ST6GAL2: variants seen among roughly 807,000 people sequenced by gnomAD.
ST6GAL2 encodes the protein beta-galactoside alpha-2,6-sialyltransferase 2.
ST6GAL2 carries 24 observed loss-of-function variants against 37.5 expected under a neutral mutation model. The ratio of observed to expected loss-of-function variants is 0.64; its 90% CI spans 0.46 to 0.90. ST6GAL2 has a LOEUF of 0.90. Among genes scored for constraint, ST6GAL2 ranks in the 40% least tolerant of loss-of-function variants. ST6GAL2 has a pLI of 0.00. For missense variants in ST6GAL2, 715 were observed against 712.7 expected, an observed-to-expected ratio of 1.00 and a Z score of -0.04; for synonymous variants, 306 against 295.1, an observed-to-expected ratio of 1.04 and a Z score of -0.38.
chr2:106,861,432 T>C (rs1677791975), intron 1 of ST6GAL2, among the ~76,000 whole-genome samples: 1 of 152,156 alleles, frequency 6.6e-6, no homozygotes, highest in Admixed American at 6.5e-5. Context: ...TGTCTGTGTG[T>C]GTGGATTAGA....
At chr2:106,884,926 TATATATATAC>T (rs1171387935) in intron 1 of ST6GAL2, among the ~76,000 whole-genome samples, 7 of 123,030 alleles carry the variant, frequency 5.7e-5, no homozygotes, top group Middle Eastern at 3.9e-3. Flanking sequence ...TATATATATA[TATATATATAC>T]ATACACACAC....
intron 2 of ST6GAL2, among the ~76,000 whole-genome samples, chr2:106,837,363 G>T (rs1013086293): frequency 6.6e-6 from 1 of 152,124 alleles, no homozygotes; most frequent in African/African-American, 2.4e-5. Flanking sequence ...GTGCTAAGAA[G>T]CCCCTGTCTC....
At position 106,843,562 on chromosome 2, in the gene ST6GAL2, C is replaced by G. The variant is rs199962702; in HGVS notation, c.416G>C (p.Gly139Ala). The change falls in exon 2 of 6, where the codon GGG becomes GCG. Residue 139 changes from glycine (G) to alanine (A), a missense_variant. By Grantham distance (60) the Gly-to-Ala change is moderately conservative. Transcript: ENST00000409382. Reference sequence around the variant, plus strand: ...TGTCCCCTGAGTGTGGCTGTGCCACCCTGGCTGACCAGCAGCAAAAAAGTA... The same window carrying G: ...TGTCCCCTGAGTGTGGCTGTGCCACGCTGGCTGACCAGCAGCAAAAAAGTA... Reference protein sequence around the residue: ...DDYFFAAGQPGWHSHTQGTLG... With the variant: ...DDYFFAAGQPAWHSHTQGTLG... The G allele has an allele frequency of 1.2e-6, 2 of 1,613,998 alleles. No individual in the cohort carries two copies. Among genetic ancestry groups the G allele is most frequent in the Non-Finnish European group, 1.7e-6 (2 of 1,180,000 alleles).
chr2:106,810,222 T>C (rs919075065), intron 5 of ST6GAL2, among the ~76,000 whole-genome samples: 6 of 152,236 alleles, frequency 3.9e-5, no homozygotes, highest in African/African-American at 1.4e-4. Context: ...ATATAGATTT[T>C]GTCATAGACT....
chr2:106,832,895 C>T (rs1029056995), intron 3 of ST6GAL2, among the ~76,000 whole-genome samples: 2 of 152,000 alleles, frequency 1.3e-5, no homozygotes, highest in African/African-American at 4.8e-5. Context: ...ACATTTTCAC[C>T]AGCAATGTAC....
chr2:106,882,075 C>T (rs1315955165), intron 1 of ST6GAL2, among the ~76,000 whole-genome samples: 1 of 152,180 alleles, frequency 6.6e-6, no homozygotes, highest in African/African-American at 2.4e-5. Flanking sequence ...ATTTCATAGC[C>T]CATTTTTAAG....
Position 106,803,219 on chromosome 2 carries a change from A to C in ST6GAL2, c.*3459T>G, listed in dbSNP as rs1573189760. 6.6e-6 allele frequency: 1 copy of C among 152,184 alleles called. No individual in the cohort carries two copies. The highest frequency in any genetic ancestry group is 2.4e-5 in the African/African-American group (1 of 41,434). The allele number at this position is 152,184 out of a possible 1,614,324, so 9.4% of individuals were successfully genotyped here. ...GGCTACAATGACTGAGGACTACTGG[A>C]GAGTCCAGGATTGATTAAGTGTCTG... On this transcript the variant is annotated 3_prime_UTR_variant, in exon 6 of 6. Coordinates refer to ENST00000409382, the MANE Select transcript of ST6GAL2 (RefSeq NM_001142351.2).
chr2:106,815,528 G>A (rs1452317088), intron 5 of ST6GAL2, among the ~76,000 whole-genome samples: 1 of 152,148 alleles, frequency 6.6e-6, no homozygotes, highest in Non-Finnish European at 1.5e-5. Context: ...TTGATTATAG[G>A]TCTTAATGAA....
intron 2 of ST6GAL2, among the ~76,000 whole-genome samples, chr2:106,836,303 A>T (rs1276815829): frequency 6.6e-6 from 1 of 152,194 alleles, no homozygotes; most frequent in Non-Finnish European, 1.5e-5. Flanking sequence ...AGGCTCAGAC[A>T]CACTGTTGAA....
chr2:106,846,648 C>T (rs1677155397), intron 1 of ST6GAL2, among the ~76,000 whole-genome samples: 2 of 152,140 alleles, frequency 1.3e-5, no homozygotes, highest in African/African-American at 4.8e-5. Flanking sequence ...TAAATTGTGG[C>T]TTTTAAACTG....
intron 2 of ST6GAL2, among the ~76,000 whole-genome samples, chr2:106,836,145 T>G (rs367949181): frequency 6.6e-6 from 1 of 152,306 alleles, no homozygotes; most frequent in East Asian, 1.9e-4. Flanking sequence ...CCTCTATATT[T>G]TCAAAAACCA....
chr2:106,883,940 T>A (rs1420079071), intron 1 of ST6GAL2, among the ~76,000 whole-genome samples: 2 of 152,340 alleles, frequency 1.3e-5, no homozygotes, highest in Admixed American at 1.3e-4. Context: ...ACCTATCATT[T>A]ATTTACCTAA....
At chr2:106,884,579 G>A (rs575103766) in intron 1 of ST6GAL2, among the ~76,000 whole-genome samples, 1 of 152,166 alleles carries the variant, frequency 6.6e-6, no homozygotes, top group South Asian at 2.1e-4. Context: ...AACTCCAGAA[G>A]CTTTCACAGC....
chr2:106,806,697 G>C lies in ST6GAL2; in HGVS notation c.1571C>G (p.Pro524Arg). The C allele has an allele frequency of 6.2e-7, 1 of 1,614,040 alleles. No individual in the cohort carries two copies. The highest frequency in any genetic ancestry group is 1.1e-5 in the South Asian group (1 of 91,076). ...FQAVHCPAPS[P>R]VIPHS The stretch of plus-strand genomic sequence containing the variant: ...CCCTTTTTAAGAGTGTGGAATGACT[G>C]GACTTGGTGCAGGGCAGTGCACCGC... The change falls in exon 6 of 6, where the codon CCA becomes CGA. Residue 524 changes from proline (P) to arginine (R), a missense_variant. This residue lies in a region of ST6GAL2 where 198 missense variants were observed against 203.6 expected (regional missense o/e 0.97). Coordinates refer to ENST00000409382, the MANE Select transcript of ST6GAL2 (RefSeq NM_001142351.2).
chr2:106,817,751 G>C (rs1345062576), intron 5 of ST6GAL2, among the ~76,000 whole-genome samples: 2 of 152,196 alleles, frequency 1.3e-5, no homozygotes, highest in Non-Finnish European at 2.9e-5. Flanking sequence ...AAGTGGGTTA[G>C]AGCACCAAGC....
chr2:106,868,338 G>C (rs943534647), intron 1 of ST6GAL2, among the ~76,000 whole-genome samples: 3 of 152,190 alleles, frequency 2.0e-5, no homozygotes, highest in Non-Finnish European at 4.4e-5. Context: ...CCTGGAATTT[G>C]AGACTAAATC....
At chr2:106,877,016 A>G (rs1284476043) in intron 1 of ST6GAL2, among the ~76,000 whole-genome samples, 1 of 152,204 alleles carries the variant, frequency 6.6e-6, no homozygotes, top group Non-Finnish European at 1.5e-5. Flanking sequence ...GGGGGAAAGT[A>G]AAGATGACAT....
intron 1 of ST6GAL2, among the ~76,000 whole-genome samples, chr2:106,867,145 T>G (rs1156618301): frequency 6.6e-6 from 1 of 152,136 alleles, no homozygotes; most frequent in East Asian, 1.9e-4. Flanking sequence ...TCTTTCCTGT[T>G]TTTTGAATAA....
At chr2:106,882,108 C>T (rs78271993) in intron 1 of ST6GAL2, among the ~76,000 whole-genome samples, 6 of 152,324 alleles carry the variant, frequency 3.9e-5, no homozygotes, top group African/African-American at 1.4e-4. Context: ...ACCTTTTCTG[C>T]TTCCAGGTTC....
Sources: allele counts gnomAD v4.1 joint callset (sites outside exome capture counted in the v4.1 genomes callset), GRCh38; gene constraint gnomAD v4.1.1; regional missense constraint gnomAD v4.1.1; transcripts MANE v1.5; gene names NCBI Gene and HGNC (gene_info 2026-07-23, HGNC 2026-07-21).